Variants in HIP1 observed in about 807,000 individuals in gnomAD.
HIP1 encodes the protein huntingtin interacting protein 1, also known as huntingtin-interacting protein 1.
In HIP1, 65 loss-of-function variants were observed where a neutral mutation model predicts 147.6. That is an observed-to-expected ratio of 0.44 (90% CI 0.36 to 0.54). The LOEUF is 0.54. HIP1 is among the 20% of genes least tolerant of loss of function. The pLI is 0.00. For synonymous variants in HIP1, 479 were observed against 504.0 expected, an observed-to-expected ratio of 0.95 and a Z score of 0.67; for missense variants, 1,061 against 1,299.6, an observed-to-expected ratio of 0.82 and a Z score of 2.82.
intron 1 of HIP1, among the ~76,000 whole-genome samples, chr7:75,606,227 A>G (rs782015582): frequency 1.2e-4 from 18 of 152,150 alleles, no homozygotes; most frequent in Admixed American, 3.3e-4. Flanking sequence ...GACCCAATAT[A>G]ATGTGAGCTG....
chr7:75,637,118 G>A (rs1300243749), intron 1 of HIP1, among the ~76,000 whole-genome samples: 1 of 152,172 alleles, frequency 6.6e-6, no homozygotes, highest in Non-Finnish European at 1.5e-5. Flanking sequence ...ATAGCTAACT[G>A]TTGAGTCGGC....
chr7:75,642,941 C>A (rs113593472), intron 1 of HIP1, among the ~76,000 whole-genome samples: 2 of 152,174 alleles, frequency 1.3e-5, no homozygotes, highest in Admixed American at 6.6e-5. Context: ...TACTTCCAGC[C>A]GGAATTCCAA....
intron 1 of HIP1, among the ~76,000 whole-genome samples, chr7:75,670,859 C>A (rs1210680747): frequency 6.3e-5 from 9 of 143,680 alleles, no homozygotes; most frequent in Non-Finnish European, 1.3e-4. Context: ...TCGGCTTAAG[C>A]GATCCTCCTA....
At chr7:75,646,821 A>G (rs1005374887) in intron 1 of HIP1, among the ~76,000 whole-genome samples, 1 of 152,192 alleles carries the variant, frequency 6.6e-6, no homozygotes, top group East Asian at 1.9e-4. Context: ...GCTGTAGCAT[A>G]AATGAGTGAT....
intron 1 of HIP1, among the ~76,000 whole-genome samples, chr7:75,730,870 G>A (rs192205837): frequency 2.6e-5 from 4 of 151,364 alleles, no homozygotes; most frequent in Admixed American, 2.6e-4. Flanking sequence ...GAGTAGCTGG[G>A]ATTACAGGCA....
intron 1 of HIP1, among the ~76,000 whole-genome samples, chr7:75,686,653 A>T (rs530307273): frequency 6.8e-6 from 1 of 146,752 alleles, no homozygotes; most frequent in Non-Finnish European, 1.5e-5. Context: ...CTCTTTTCTC[A>T]TTTTTTTTTT....
intron 1 of HIP1, among the ~76,000 whole-genome samples, chr7:75,685,074 G>C (rs1023621110): frequency 5.3e-5 from 8 of 151,950 alleles, no homozygotes; most frequent in African/African-American, 9.7e-5. Flanking sequence ...CTGGGTGACA[G>C]AGCGAGACTC....
Position 75,651,352 on chromosome 7 carries a change from G to A in HIP1, c.121-52105C>T, listed in dbSNP as rs540397278. Among the ~76,000 whole-genome samples the A allele has an allele frequency of 2.0e-4, 31 of 151,270 alleles. No homozygotes were observed. The Middle Eastern group carries it at 0.01, about 50-fold the overall frequency. On this transcript the variant is annotated intron_variant, in intron 1 of 30. Transcript: ENST00000336926. The stretch of plus-strand genomic sequence containing the variant: ...TGGGCACCTATAGTCCCAGCTACTC[G>A]GGAGGCTGAGGCAGAAGAATCGCTT...
intron 1 of HIP1, chr7:75,639,187 C>A (rs1332450934): frequency 2.0e-6 from 2 of 981,808 alleles, no homozygotes; most frequent in African/African-American, 3.6e-5. Context: ...AGGGCCCCCG[C>A]GGACCGGGGC....
At chr7:75,732,890 G>A (rs1486378968) in intron 1 of HIP1, among the ~76,000 whole-genome samples, 10 of 152,038 alleles carry the variant, frequency 6.6e-5, no homozygotes, top group East Asian at 1.9e-4. Context: ...GTGTTTCGGG[G>A]CCTGACCACA....
chr7:75,722,345 C>T (rs1366928350), intron 1 of HIP1, among the ~76,000 whole-genome samples: 1 of 152,180 alleles, frequency 6.6e-6, no homozygotes, highest in Non-Finnish European at 1.5e-5. Flanking sequence ...AATAACTGCA[C>T]TTTCACAGAA....
chr7:75,585,245 C>T (rs113242834), intron 5 of HIP1, among the ~76,000 whole-genome samples: 3,019 of 150,284 alleles, frequency 0.02, 89 homozygotes, highest in African/African-American at 0.069. Context: ...AGTGCAGAGG[C>T]AGCATCTCGG....
chr7:75,692,234 T>A (rs1800481787), intron 1 of HIP1, among the ~76,000 whole-genome samples: 1 of 152,078 alleles, frequency 6.6e-6, no homozygotes, highest in Non-Finnish European at 1.5e-5. Flanking sequence ...TCAATTAATA[T>A]ATCTGCATTC....
chr7:75,565,871 A>C (rs1293950627), intron 9 of HIP1, among the ~76,000 whole-genome samples: 1 of 146,046 alleles, frequency 6.8e-6, no homozygotes, highest in Non-Finnish European at 1.5e-5. Flanking sequence ...AGCTGGGATT[A>C]CAGGGCTAAT....
At chr7:75,734,472 A>T (rs1584989865) in intron 1 of HIP1, among the ~76,000 whole-genome samples, 1 of 152,012 alleles carries the variant, frequency 6.6e-6, no homozygotes, top group Admixed American at 6.6e-5. Flanking sequence ...AGTAATTATT[A>T]ATATATCCTG....
chr7:75,549,838 TG>T (rs1385290371), intron 22 of HIP1, among the ~76,000 whole-genome samples: 32 of 82,274 alleles, frequency 3.9e-4, no homozygotes, highest in Admixed American at 3.4e-3. Flanking sequence ...CCCGGATAAT[TG>T]TTTTTTTTTT....
At chr7:75,735,682 C>CT (rs71971798) in intron 1 of HIP1, among the ~76,000 whole-genome samples, 4 of 102,050 alleles carry the variant, frequency 3.9e-5, no homozygotes, top group Non-Finnish European at 8.8e-5. Context: ...CTTTTCTTTT[C>CT]TTTTTCTTTT....
intron 1 of HIP1, among the ~76,000 whole-genome samples, chr7:75,724,145 C>T (rs1024229082): frequency 1.3e-5 from 2 of 151,852 alleles, no homozygotes; most frequent in African/African-American, 2.4e-5. Context: ...TTAGTAGAGA[C>T]GGGGTTTCAC....
At chr7:75,553,129 G>T (rs1794849999) in intron 22 of HIP1, among the ~76,000 whole-genome samples, 1 of 151,814 alleles carries the variant, frequency 6.6e-6, no homozygotes, top group Admixed American at 6.6e-5. Context: ...GTAGAGACAG[G>T]GTTTCACCCT....
Sources: allele counts gnomAD v4.1 joint callset (sites outside exome capture counted in the v4.1 genomes callset), GRCh38; gene constraint gnomAD v4.1.1; transcripts MANE v1.5; gene names NCBI Gene and HGNC (gene_info 2026-07-23, HGNC 2026-07-21).